Variants in SOX6 observed in about 807,000 individuals in gnomAD.
SOX6 encodes the protein SRY-box transcription factor 6, also known as transcription factor SOX-6.
Under a neutral mutation model 97.8 loss-of-function variants are expected in SOX6, and 11 were observed. The ratio of observed to expected loss-of-function variants is 0.11; its 90% CI spans 0.07 to 0.19. The LOEUF (loss-of-function observed/expected upper bound fraction) is 0.19. SOX6 is among the 10% of genes least tolerant of loss of function. The pLI is 1.00. For synonymous variants in SOX6, 360 were observed against 371.4 expected (o/e 0.97, Z 0.35); for missense variants, 810 against 1,039.5 (o/e 0.78, Z 3.04).
chr11:16,442,064 G>T (rs1859513503), intron 1 of SOX6, among the ~76,000 whole-genome samples: 1 of 152,168 alleles, frequency 6.6e-6, no homozygotes, highest in Non-Finnish European at 1.5e-5. Context: ...TTGGAGAAAA[G>T]TTCATAATTG....
intron 1 of SOX6, among the ~76,000 whole-genome samples, chr11:16,455,889 T>C (rs887300681): frequency 1.3e-5 from 2 of 152,056 alleles, no homozygotes; most frequent in African/African-American, 4.8e-5. Flanking sequence ...TTTACCTGCA[T>C]AGAGTACATA....
At chr11:16,306,461 T>C (rs922638242) in intron 3 of SOX6, among the ~76,000 whole-genome samples, 6 of 152,096 alleles carry the variant, frequency 3.9e-5, no homozygotes, top group African/African-American at 1.4e-4. Context: ...ATGGAAAATT[T>C]CAATAAACGG....
chr11:16,402,594 T>C, intron 1 of SOX6: 1 of 1,484,728 alleles, frequency 6.7e-7, no homozygotes, highest in Non-Finnish European at 9.4e-7. Context: ...AAATATCGCT[T>C]TGTTTAATGA....
chr11:16,626,860 T>C (rs1353663124), intron 3 of SOX6, among the ~76,000 whole-genome samples: 1 of 152,208 alleles, frequency 6.6e-6, no homozygotes, highest in African/African-American at 2.4e-5. Flanking sequence ...GAGATACATG[T>C]GCAGGTGTGT....
At chr11:16,550,265 A>C (rs1190866748) in intron 4 of SOX6, among the ~76,000 whole-genome samples, 3 of 152,118 alleles carry the variant, frequency 2.0e-5, no homozygotes, top group Non-Finnish European at 4.4e-5. Context: ...GAAATGAACA[A>C]TGAGAACACT....
intron 4 of SOX6, among the ~76,000 whole-genome samples, chr11:16,190,474 G>A (rs1851600106): frequency 6.6e-6 from 1 of 152,078 alleles, no homozygotes; most frequent in South Asian, 2.1e-4. Flanking sequence ...TATTCACACA[G>A]CATTTACATT....
chr11:16,519,803 T>G (rs1355277821), intron 4 of SOX6, among the ~76,000 whole-genome samples: 1 of 152,178 alleles, frequency 6.6e-6, no homozygotes, highest in Non-Finnish European at 1.5e-5. Context: ...AGAGGTTAAT[T>G]TACATTCCCA....
At chr11:15,989,258 A>C in intron 13 of SOX6, 28 bp from the exon 14 acceptor site, 1 of 1,556,938 alleles carries the variant, frequency 6.4e-7, no homozygotes. Context: ...GAAGAACAAG[A>C]TGAGTGGAAA....
intron 4 of SOX6, among the ~76,000 whole-genome samples, chr11:16,573,569 C>G (rs527494115): frequency 1.3e-4 from 20 of 152,190 alleles, no homozygotes; most frequent in African/African-American, 4.8e-4. Flanking sequence ...ATATGTGTTA[C>G]CAAACTATCT....
chr11:16,691,914 C>T (rs1848015989), intron 3 of SOX6, among the ~76,000 whole-genome samples: 1 of 152,154 alleles, frequency 6.6e-6, no homozygotes, highest in East Asian at 1.9e-4. Context: ...TGCATCTACT[C>T]CCTCATTGGC....
intron 4 of SOX6, among the ~76,000 whole-genome samples, chr11:16,523,890 G>C (rs1230748294): frequency 6.6e-6 from 1 of 152,166 alleles, no homozygotes; most frequent in Non-Finnish European, 1.5e-5. Context: ...TAGAAGAAAT[G>C]GATAAATTCC....
intron 8 of SOX6, among the ~76,000 whole-genome samples, chr11:16,097,131 G>A (rs1056937311): frequency 2.0e-5 from 3 of 151,712 alleles, no homozygotes; most frequent in African/African-American, 7.3e-5. Flanking sequence ...AAAGGGTGAG[G>A]ACACATATAT....
chr11:16,428,313 A>G (rs1859195329), intron 1 of SOX6, among the ~76,000 whole-genome samples: 1 of 152,174 alleles, frequency 6.6e-6, no homozygotes, highest in Non-Finnish European at 1.5e-5. Context: ...TTTGCTGTGC[A>G]GAAGCTCTTT....
At chr11:16,090,268 CA>C (rs1848657273) in intron 9 of SOX6, among the ~76,000 whole-genome samples, 2 of 152,134 alleles carry the variant, frequency 1.3e-5, no homozygotes, top group South Asian at 4.2e-4. Context: ...CTGACTATCC[CA>C]CCAATCAAAT....
At chr11:16,684,122 C>A (rs1490844331) in intron 3 of SOX6, among the ~76,000 whole-genome samples, 1 of 152,128 alleles carries the variant, frequency 6.6e-6, no homozygotes, top group Non-Finnish European at 1.5e-5. Context: ...AATAGGGAAG[C>A]TTTTACACTG....
At chr11:16,591,925 A>C (rs1415085810) in intron 4 of SOX6, among the ~76,000 whole-genome samples, 1 of 152,136 alleles carries the variant, frequency 6.6e-6, no homozygotes, top group Non-Finnish European at 1.5e-5. Context: ...TAAACTTAGA[A>C]TCAGATCTTT....
chr11:15,996,425 T>A (rs2119852486), intron 13 of SOX6, among the ~76,000 whole-genome samples: 1 of 152,064 alleles, frequency 6.6e-6, no homozygotes, highest in South Asian at 2.1e-4. Flanking sequence ...GGTCAGGAGT[T>A]CAAGACCAGC....
At chr11:16,685,897 C>G (rs1024712832) in intron 3 of SOX6, among the ~76,000 whole-genome samples, 2 of 152,274 alleles carry the variant, frequency 1.3e-5, no homozygotes, top group Admixed American at 1.3e-4. Flanking sequence ...AGCCTTCGCT[C>G]TTGCACTCTG....
intron 7 of SOX6, among the ~76,000 whole-genome samples, chr11:16,103,089 A>G (rs1160249502): frequency 2.0e-5 from 3 of 152,132 alleles, no homozygotes; most frequent in Non-Finnish European, 4.4e-5. Flanking sequence ...GTTAACAGAC[A>G]ACCCACAGAG....
Sources: allele counts gnomAD v4.1 joint callset (sites outside exome capture counted in the v4.1 genomes callset), GRCh38; gene constraint gnomAD v4.1.1; transcripts MANE v1.5; gene names NCBI Gene and HGNC (gene_info 2026-07-23, HGNC 2026-07-21).